HYDIN: variants seen among roughly 807,000 people sequenced by gnomAD.
HYDIN encodes the protein axonemal central pair apparatus protein HYDIN.
A neutral mutation model predicts 403.9 loss-of-function variants in HYDIN; 132 were observed. The ratio of observed to expected loss-of-function variants is 0.33; its 90% CI spans 0.28 to 0.38. HYDIN has a LOEUF of 0.38. Ranked by LOEUF, HYDIN falls within the 10% of genes least tolerant of loss-of-function variation. The pLI is 1.00. For missense variants in HYDIN, 2,827 were observed against 5,009.5 expected (o/e 0.56, Z 13.15); for synonymous variants, 1,202 against 1,891.7 (o/e 0.64, Z 9.46).
In HYDIN at chr16:70,863,178, C is replaced by T. The variant is rs559637459; in HGVS notation, c.11476G>A (p.Asp3826Asn). 6.5e-5 allele frequency: 105 copies of T among 1,612,988 alleles called. No individual in the cohort carries two copies. The highest frequency in any genetic ancestry group is 7.7e-5 in the South Asian group (7 of 90,834). ...TGGACACGTCCTGAATTAATCACAT[C>T]GAACCTGCAAATCGATCAGGGAGCA... is the stretch of plus-strand genomic sequence containing the variant. ...LVYQTRVFEF[D>N]VINSGRVQLE... The change falls in exon 68 of 86, where the codon GAT becomes AAT. Residue 3826 changes from aspartate to asparagine, a missense_variant. Physicochemically the swap from Asp to Asn is conservative, Grantham distance 23. Coordinates refer to ENST00000393567, the MANE Select transcript of HYDIN (RefSeq NM_001270974.2).
intron 1 of HYDIN, among the ~76,000 whole-genome samples, chr16:71,229,422 AAAT>A (rs2041183558): frequency 6.6e-6 from 1 of 152,246 alleles, no homozygotes; most frequent in African/African-American, 2.4e-5. Flanking sequence ...GTATTTATCA[AAAT>A]AATAACATAT....
At chr16:71,010,164 T>C (rs2080031774) in intron 23 of HYDIN, among the ~76,000 whole-genome samples, 1 of 147,478 alleles carries the variant, frequency 6.8e-6, no homozygotes, top group Admixed American at 6.8e-5. Context: ...CTGATTCTGT[T>C]TCCCCTTCAT....
At chr16:70,854,342 C>A (rs1464655141) in intron 73 of HYDIN, among the ~76,000 whole-genome samples, 4 of 149,498 alleles carry the variant, frequency 2.7e-5, no homozygotes, top group Non-Finnish European at 4.4e-5. Context: ...TCAAGTGATT[C>A]TCATGCCTCA....
intron 23 of HYDIN, among the ~76,000 whole-genome samples, chr16:70,993,439 CAT>C (rs2079424353): frequency 1.3e-5 from 2 of 151,942 alleles, no homozygotes; most frequent in Non-Finnish European, 2.9e-5. Flanking sequence ...AAATTGGAAA[CAT>C]GTACAAATTT....
Position 71,200,870 on chromosome 16 carries a change from G to T in HYDIN, c.-23-13952C>A, listed in dbSNP as rs1598015693. Among the ~76,000 whole-genome samples the T allele has an allele frequency of 3.3e-5, 5 of 152,180 alleles. No individual in the cohort carries two copies. The South Asian group carries it at 1.0e-3, about 32-fold the overall frequency. On this transcript the variant is annotated intron_variant, in intron 1 of 85. Transcript: ENST00000393567. ...GGGGAAAGGCAAAGTACTTATCTCTGAAACATCCAGCCTCTCATTCTAAGT... is the reference window on the plus strand; with the variant it reads ...GGGGAAAGGCAAAGTACTTATCTCTTAAACATCCAGCCTCTCATTCTAAGT...
chr16:70,812,306 A>T (rs1315089674), intron 84 of HYDIN, among the ~76,000 whole-genome samples: 1 of 147,106 alleles, frequency 6.8e-6, no homozygotes, highest in East Asian at 2.0e-4. Context: ...CCTGGCCAAC[A>T]TGGTGAAACC....
chr16:70,902,794 AATAT>A lies in HYDIN; in HGVS notation c.8849+827_8849+830del, dbSNP rs1264288990. 1.1e-4 allele frequency among the ~76,000 whole-genome samples: 7 copies of A among 61,142 alleles called. 1 individual carries two copies. The highest frequency in any genetic ancestry group is 7.2e-4 in the African/African-American group (7 of 9,740). 40.1% of individuals were successfully genotyped at this position (61,142 alleles called of 152,430 possible). A position where few individuals can be genotyped will look rare whatever the true frequency, so the allele number is the denominator to read the frequency against. On this transcript the variant is annotated intron_variant, in intron 52 of 85. Transcript: ENST00000393567. ...TTGGGAAAGTTCCATCTACTCTTTAAATATATATATATATATATATATATATATT... is the reference window on the plus strand; with the variant it reads ...TTGGGAAAGTTCCATCTACTCTTTAAATATATATATATATATATATATATT...
intron 18 of HYDIN, among the ~76,000 whole-genome samples, chr16:71,039,578 C>T (rs1412208839): frequency 6.6e-6 from 1 of 152,100 alleles, no homozygotes; most frequent in African/African-American, 2.4e-5. Context: ...CAGACTCAGC[C>T]AGCAGAGAGG....
At chr16:70,915,400 G>A (rs1057464911) in intron 47 of HYDIN, among the ~76,000 whole-genome samples, 21 of 151,574 alleles carry the variant, frequency 1.4e-4, no homozygotes, top group African/African-American at 4.6e-4. Context: ...TGTGCTGATG[G>A]TTATCTCTCT....
intron 52 of HYDIN, among the ~76,000 whole-genome samples, chr16:70,902,821 AT>A (rs60618592): frequency 0.016 from 744 of 47,184 alleles, 6 homozygotes; most frequent in Non-Finnish European, 0.02. Flanking sequence ...ATATATATAT[AT>A]TTTTTTTTTT....
In HYDIN at chr16:71,206,624, GATC is replaced by G. The variant is rs1302659094; in HGVS notation, c.-23-19709_-23-19707del. 2.0e-5 allele frequency among the ~76,000 whole-genome samples: 3 copies of G among 152,218 alleles called. No individual in the cohort carries two copies. In the East Asian group the frequency reaches 5.8e-4, roughly 29 times the overall value. ...AATTCAGAATATGGATAGAAACTAA[GATC>G]ATCAAGATTCAGGAGAATGTTGAAA... On this transcript the variant is annotated intron_variant, in intron 1 of 85. Transcript: ENST00000393567.
chr16:71,151,357 G>A (rs1597891847), intron 7 of HYDIN, among the ~76,000 whole-genome samples: 2 of 151,910 alleles, frequency 1.3e-5, no homozygotes, highest in Non-Finnish European at 2.9e-5. Flanking sequence ...GGCTTGAGTC[G>A]TCCTCCTCAA....
intron 15 of HYDIN, chr16:71,067,002 A>G (rs2144293456): frequency 3.0e-6 from 2 of 664,440 alleles, no homozygotes; most frequent in South Asian, 1.7e-5. Flanking sequence ...TTCTGGTTAC[A>G]TACTTTGAAA....
chr16:70,958,479 A>T (rs2078309864), intron 39 of HYDIN, among the ~76,000 whole-genome samples: 1 of 152,004 alleles, frequency 6.6e-6, no homozygotes, highest in Non-Finnish European at 1.5e-5. Flanking sequence ...AGCTGTCTGC[A>T]GTTTCTATGG....
chr16:71,042,629 C>T (rs970443443), intron 18 of HYDIN, among the ~76,000 whole-genome samples: 23 of 152,286 alleles, frequency 1.5e-4, no homozygotes, highest in African/African-American at 4.8e-4. Flanking sequence ...TCTTATACAA[C>T]GTTCAGGTTC....
At chr16:70,940,734 CTT>C (rs2077644845) in intron 43 of HYDIN, among the ~76,000 whole-genome samples, 2 of 152,202 alleles carry the variant, frequency 1.3e-5, no homozygotes, top group African/African-American at 4.8e-5. Flanking sequence ...AAGAAGCTGA[CTT>C]TGAGTTCTGT....
rs192996359 is a variant in HYDIN at position 70,854,088 on chromosome 16, C to T, written c.12443+1040G>A. On this transcript the variant is annotated intron_variant, in intron 73 of 85. Transcript: ENST00000393567. ...AGAGACGGGGTTTCACCATGTTGGC[C>T]AGGCTAGTCTCGAACTCCTGACCTC... Among the ~76,000 whole-genome samples, 381 of 151,480 alleles carry T rather than the reference C, an allele frequency of 2.5e-3. 1 individual carries two copies. Among genetic ancestry groups the T allele is most frequent in the Admixed American group, 7.2e-3 (109 of 15,208 alleles).
intron 45 of HYDIN, among the ~76,000 whole-genome samples, chr16:70,922,237 G>T (rs1262873118): frequency 6.6e-6 from 1 of 152,204 alleles, no homozygotes; most frequent in African/African-American, 2.4e-5. Context: ...TGCCTCATGT[G>T]GGGGAGGCAG....
At chr16:71,138,722 C>T (rs545988746) in intron 7 of HYDIN, among the ~76,000 whole-genome samples, 4 of 152,046 alleles carry the variant, frequency 2.6e-5, no homozygotes, top group Non-Finnish European at 5.9e-5. Context: ...GTGTTGAACA[C>T]CTTTTCATAA....
Sources: allele counts gnomAD v4.1 joint callset (sites outside exome capture counted in the v4.1 genomes callset), GRCh38; gene constraint gnomAD v4.1.1; transcripts MANE v1.5; gene names NCBI Gene and HGNC (gene_info 2026-07-23, HGNC 2026-07-21).